Variants in ISX observed in about 807,000 individuals in gnomAD.
ISX encodes the protein intestine specific homeobox.
Under a neutral mutation model 16.9 loss-of-function variants are expected in ISX, and 15 were observed. The ratio of observed to expected loss-of-function variants is 0.89; its 90% CI spans 0.59 to 1.36. The LOEUF (loss-of-function observed/expected upper bound fraction) is 1.36. Ranked by LOEUF, ISX falls within the 40% of genes most tolerant of loss-of-function variation. ISX has a pLI of 0.00. For missense variants in ISX, 316 were observed against 306.1 expected (o/e 1.03, Z -0.24); for synonymous variants, 125 against 119.7 (o/e 1.04, Z -0.29).
intron 2 of ISX, among the ~76,000 whole-genome samples, chr22:35,072,529 G>A (rs80073768): frequency 0.041 from 6,242 of 152,310 alleles, 193 homozygotes; most frequent in Middle Eastern, 0.099. Flanking sequence ...CTGGCAGTAA[G>A]AAGTAGATAT....
At chr22:35,068,064 C>T (rs1928752757) in intron 2 of ISX, among the ~76,000 whole-genome samples, 1 of 152,240 alleles carries the variant, frequency 6.6e-6, no homozygotes, top group African/African-American at 2.4e-5. Flanking sequence ...CTACCTTGGC[C>T]TGCTATGTGA....
chr22:35,070,904 T>G (rs1928834759), intron 2 of ISX, among the ~76,000 whole-genome samples: 1 of 152,230 alleles, frequency 6.6e-6, no homozygotes, highest in Non-Finnish European at 1.5e-5. Flanking sequence ...CTGTCACAAT[T>G]ACGCAACTCT....
At chr22:35,070,756 T>C (rs1928830011) in intron 2 of ISX, among the ~76,000 whole-genome samples, 1 of 152,236 alleles carries the variant, frequency 6.6e-6, no homozygotes, top group Non-Finnish European at 1.5e-5. Flanking sequence ...TGCTGCCTTC[T>C]GCCCATCTTG....
Position 35,086,142 on chromosome 22 carries a change from A to T in ISX, c.*449A>T, listed in dbSNP as rs555522044. ...CCAAGGAGAGGTTGTTTGTTCATGC[A>T]TGCATTCATCCGTGACACATGAGTA... On this transcript the variant is annotated 3_prime_UTR_variant, in exon 5 of 5. Coordinates refer to ENST00000404699, the MANE Select transcript of ISX (RefSeq NM_001303508.2). 1 of 252,946 alleles carries T rather than the reference A, an allele frequency of 4.0e-6. No homozygotes were observed. The highest frequency in any genetic ancestry group is 7.7e-6 in the Non-Finnish European group (1 of 129,464). The allele number at this position is 252,946 out of a possible 1,614,324, so 15.7% of individuals were successfully genotyped here. A position where few individuals can be genotyped will look rare whatever the true frequency, so the allele number is the denominator to read the frequency against.
At chr22:35,073,617 G>A in intron 2 of ISX, among the ~76,000 whole-genome samples, 1 of 152,190 alleles carries the variant, frequency 6.6e-6, no homozygotes, top group Non-Finnish European at 1.5e-5. Context: ...TTCCATGGGA[G>A]TTTGGTCTGC....
rs1318232203 is a variant in ISX at position 35,085,695 on chromosome 22, G to T, written c.*2G>T. 6.2e-7 allele frequency: 1 copy of T among 1,614,214 alleles called. No homozygotes were observed. The highest frequency in any genetic ancestry group is 1.1e-5 in the South Asian group (1 of 91,084). On this transcript the variant is annotated 3_prime_UTR_variant, in exon 5 of 5. Transcript: ENST00000404699. Reference sequence around the variant, plus strand: ...AGCATCTGTGCTACTTCAACATAGAGATTGGACATGCTCTCCCCAAATGAG... The same window carrying T: ...AGCATCTGTGCTACTTCAACATAGATATTGGACATGCTCTCCCCAAATGAG...
In ISX at chr22:35,083,830, T is replaced by A. The variant is rs1929180988; in HGVS notation, c.382-553T>A. Reference sequence around the variant, plus strand: ...AATTCAACACCTGCCTATGCAGAATTACCAAGGATAAATGGCCACAAGTCA... The same window carrying A: ...AATTCAACACCTGCCTATGCAGAATAACCAAGGATAAATGGCCACAAGTCA... On this transcript the variant is annotated intron_variant, in intron 3 of 4. Coordinates refer to ENST00000404699, the MANE Select transcript of ISX (RefSeq NM_001303508.2). 2.0e-5 allele frequency among the ~76,000 whole-genome samples: 3 copies of A among 152,200 alleles called. 1 individual carries two copies. Among genetic ancestry groups the A allele is most frequent in the Admixed American group, 2.0e-4 (3 of 15,282 alleles).
At chr22:35,083,315 C>A (rs1929167902) in intron 3 of ISX, among the ~76,000 whole-genome samples, 1 of 152,218 alleles carries the variant, frequency 6.6e-6, no homozygotes, top group Non-Finnish European at 1.5e-5. Flanking sequence ...CCCTGATCTA[C>A]AACACATGGG....
At chr22:35,076,784 C>T (rs1208059045) in intron 2 of ISX, among the ~76,000 whole-genome samples, 2 of 152,130 alleles carry the variant, frequency 1.3e-5, no homozygotes, top group Non-Finnish European at 2.9e-5. Context: ...TTCTTATGAT[C>T]GATGTGCTAA....
In ISX at chr22:35,085,543, G is replaced by A; in HGVS notation, c.588G>A (p.Trp196Ter). 1.2e-6 allele frequency: 2 copies of A among 1,614,214 alleles called. No individual in the cohort carries two copies. The highest frequency in any genetic ancestry group is 1.7e-6 in the Non-Finnish European group (2 of 1,180,042). Residue 196 changes from tryptophan (W) to a stop codon, truncating the protein, a stop_gained, in exon 5 of 5, where the codon TGG becomes TGA. Transcript: ENST00000404699. LOFTEE classifies it low-confidence loss of function (END_TRUNC). Reference sequence around the variant, plus strand: ...CTCAAGATCAGCTGGCCTCTGCCTGGTTCCCTGCCTGGATCACCCTCCTCC... The same window carrying A: ...CTCAAGATCAGCTGGCCTCTGCCTGATTCCCTGCCTGGATCACCCTCCTCC... ...PSAQDQLASA[W>*]FPAWITLLPA...
At chr22:35,072,363 G>A (rs1032025187) in intron 2 of ISX, among the ~76,000 whole-genome samples, 3 of 152,246 alleles carry the variant, frequency 2.0e-5, no homozygotes, top group African/African-American at 7.2e-5. Context: ...GACATGCAAG[G>A]AAGTAGTGGA....
intron 2 of ISX, among the ~76,000 whole-genome samples, chr22:35,077,877 G>T (rs1271691106): frequency 2.0e-5 from 3 of 152,076 alleles, no homozygotes; most frequent in Non-Finnish European, 4.4e-5. Flanking sequence ...CTGCTCCTTT[G>T]GTTACACAAG....
chr22:35,073,202 C>G (rs1248265225), intron 2 of ISX, among the ~76,000 whole-genome samples: 1 of 152,112 alleles, frequency 6.6e-6, no homozygotes, highest in African/African-American at 2.4e-5. Flanking sequence ...AAGCTGGGCC[C>G]ACTTAAGGAG....
At chr22:35,068,295 T>C (rs932563742) in intron 2 of ISX, among the ~76,000 whole-genome samples, 1 of 152,106 alleles carries the variant, frequency 6.6e-6, no homozygotes, top group Admixed American at 6.5e-5. Flanking sequence ...GCCCTTAATG[T>C]CATTACCTGC....
intron 4 of ISX, among the ~76,000 whole-genome samples, chr22:35,085,162 G>A (rs1448500727): frequency 6.6e-6 from 1 of 152,124 alleles, no homozygotes; most frequent in Non-Finnish European, 1.5e-5. Context: ...TAGAAGCTGG[G>A]CTCTGAGAGG....
Position 35,085,441 on chromosome 22 carries a change from C to T in ISX, c.499-13C>T. ...AGGACTCACTTCTCTCTCCTGACCT[C>T]TCCTTGTGACAGGGGCCCACGTGGA... is the stretch of plus-strand genomic sequence containing the variant. On this transcript the variant is annotated splice_polypyrimidine_tract_variant and intron_variant, in intron 4 of 4. Coordinates refer to ENST00000404699, the MANE Select transcript of ISX (RefSeq NM_001303508.2). 1 of 1,614,204 alleles carries T rather than the reference C, an allele frequency of 6.2e-7. No individual in the cohort carries two copies. Among genetic ancestry groups the T allele is most frequent in the African/African-American group, 1.3e-5 (1 of 75,060 alleles).
intron 2 of ISX, among the ~76,000 whole-genome samples, chr22:35,079,430 T>G (rs1929068549): frequency 6.6e-6 from 1 of 151,958 alleles, no homozygotes; most frequent in African/African-American, 2.4e-5. Flanking sequence ...TTTTATCCAT[T>G]TAAGACATAT....
At position 35,072,037 on chromosome 22, in the gene ISX, C is replaced by T. The variant is rs550118153; in HGVS notation, c.229+4721C>T. Among the ~76,000 whole-genome samples the T allele has an allele frequency of 2.0e-5, 3 of 152,324 alleles. 1 individual carries two copies. In the South Asian group the frequency reaches 6.2e-4, roughly 32 times the overall value. On this transcript the variant is annotated intron_variant, in intron 2 of 4. Transcript: ENST00000404699. ...TCTTACCCAGGTAGACCCAGGAGCT[C>T]CCATCAGAGCAGACGAGAACAGGGC... is the stretch of plus-strand genomic sequence containing the variant.
At chr22:35,084,214 T>C (rs1451403158) in intron 3 of ISX, among the ~76,000 whole-genome samples, 169 bp from the exon 4 acceptor site, 1 of 152,224 alleles carries the variant, frequency 6.6e-6, no homozygotes, top group Non-Finnish European at 1.5e-5. Flanking sequence ...AAACCCCGGT[T>C]CCCTCTCAGA....
Sources: allele counts gnomAD v4.1 joint callset (sites outside exome capture counted in the v4.1 genomes callset), GRCh38; gene constraint gnomAD v4.1.1; transcripts MANE v1.5; gene names NCBI Gene and HGNC (gene_info 2026-07-23, HGNC 2026-07-21).